Variants in NAA11 observed in about 807,000 individuals in gnomAD.
NAA11 encodes N-alpha-acetyltransferase 11, NatA catalytic subunit.
A neutral mutation model predicts 16.1 loss-of-function variants in NAA11; 15 were observed. The observed-to-expected ratio is 0.93, with a 90% confidence interval of 0.62 to 1.44. The LOEUF (loss-of-function observed/expected upper bound fraction) is 1.44, where lower values mean the gene tolerates loss of function less well. Among genes scored for constraint, NAA11 ranks in the 40% most tolerant of loss-of-function variants. The pLI, the probability that NAA11 is intolerant of heterozygous loss-of-function variation, is 0.00. For missense variants in NAA11, 298 were observed against 291.3 expected, an observed-to-expected ratio of 1.02 and a Z score of -0.17; for synonymous variants, 122 against 112.4, an observed-to-expected ratio of 1.09 and a Z score of -0.54.
intron 2 of NAA11, among the ~76,000 whole-genome samples, chr4:79,262,123 A>G (rs1487122476): frequency 7.2e-5 from 11 of 152,210 alleles, no homozygotes; most frequent in Non-Finnish European, 4.4e-5. Flanking sequence ...AAGCAATTCT[A>G]ATGATACTTA....
At chr4:79,282,283 G>A (rs1383425087) in intron 2 of NAA11, among the ~76,000 whole-genome samples, 1 of 152,072 alleles carries the variant, frequency 6.6e-6, no homozygotes, top group Non-Finnish European at 1.5e-5. Flanking sequence ...GACAGGCTTA[G>A]GGGTTTTAAT....
chr4:79,262,276 T>C (rs1397488916), intron 2 of NAA11, among the ~76,000 whole-genome samples: 1 of 152,162 alleles, frequency 6.6e-6, no homozygotes. Flanking sequence ...ATATTGGAAA[T>C]AGAATAGTGT....
At chr4:79,311,249 GTT>G (rs1241395766) in intron 1 of NAA11, among the ~76,000 whole-genome samples, 1 of 152,106 alleles carries the variant, frequency 6.6e-6, no homozygotes, top group Non-Finnish European at 1.5e-5. Context: ...AATACAGTCT[GTT>G]TTCATTATTC....
At chr4:79,262,721 C>T (rs1225938173) in intron 2 of NAA11, among the ~76,000 whole-genome samples, 2 of 149,048 alleles carry the variant, frequency 1.3e-5, no homozygotes, top group Admixed American at 6.6e-5. Context: ...TAAAAAGAAA[C>T]TCTATTTGTT....
At chr4:79,305,986 G>A (rs1171204241) in intron 1 of NAA11, among the ~76,000 whole-genome samples, 1 of 152,106 alleles carries the variant, frequency 6.6e-6, no homozygotes, top group East Asian at 1.9e-4. Context: ...TTTCATGCTT[G>A]CTTTATGCAG....
At chr4:79,196,514 T>C in the NAA11 span, among the ~76,000 whole-genome samples, 1 of 152,036 alleles carries the variant, frequency 6.6e-6, no homozygotes, top group Non-Finnish European at 1.5e-5. Flanking sequence ...CCAGAAATAA[T>C]TGAAATTTTA....
chr4:79,192,276 G>T, the NAA11 span, among the ~76,000 whole-genome samples: 2 of 151,586 alleles, frequency 1.3e-5, no homozygotes, highest in East Asian at 3.9e-4. Context: ...TGTGCACAAT[G>T]TGCAGGTTTG....
the NAA11 span, among the ~76,000 whole-genome samples, chr4:79,180,901 T>TA: frequency 6.6e-6 from 1 of 152,014 alleles, no homozygotes; most frequent in African/African-American, 2.4e-5. Flanking sequence ...TATGCAGCCA[T>TA]AAAAAAGGAT....
chr4:79,213,509 A>G, the NAA11 span, among the ~76,000 whole-genome samples: 70 of 152,302 alleles, frequency 4.6e-4, 1 homozygote, highest in South Asian at 6.2e-3. Context: ...TATGCATAAT[A>G]TGGTAAGAAT....
chr4:79,247,939 C>T (rs547025501), intron 2 of NAA11, among the ~76,000 whole-genome samples: 5 of 152,242 alleles, frequency 3.3e-5, no homozygotes, highest in South Asian at 2.1e-4. Flanking sequence ...GGATTTGGTG[C>T]GGGAGTGTCT....
the NAA11 span, among the ~76,000 whole-genome samples, chr4:79,189,145 C>CAAAAAAAAAAAAAAAAAAAAAAAAAAA: frequency 3.1e-4 from 13 of 42,296 alleles, 2 homozygotes; most frequent in Non-Finnish European, 4.3e-4. Context: ...GACTCCATCT[C>CAAAAAAAAAAAAAAAAAAAAAAAAAAA]AAAAAAAAAA....
At chr4:79,244,456 A>G (rs1370012441) in intron 2 of NAA11, among the ~76,000 whole-genome samples, 3 of 152,200 alleles carry the variant, frequency 2.0e-5, no homozygotes, top group Non-Finnish European at 4.4e-5. Context: ...ATTCTTGGTA[A>G]AACAGTATTT....
At chr4:79,240,739 A>G (rs984092923) in intron 2 of NAA11, among the ~76,000 whole-genome samples, 3 of 152,186 alleles carry the variant, frequency 2.0e-5, no homozygotes, top group Admixed American at 2.0e-4. Context: ...GGAATGATCA[A>G]TTCCAATAAT....
chr4:79,224,442 G>A (rs1721267864), downstream of NAA11, among the ~76,000 whole-genome samples: 1 of 152,094 alleles, frequency 6.6e-6, no homozygotes, highest in Admixed American at 6.6e-5. Context: ...ATTACGTGAT[G>A]ATTGAACCAA....
the NAA11 span, among the ~76,000 whole-genome samples, chr4:79,176,615 G>T: frequency 6.6e-6 from 1 of 152,246 alleles, no homozygotes; most frequent in South Asian, 2.1e-4. Flanking sequence ...TGATTAAAAT[G>T]TTAGTCCTAT....
chr4:79,230,167 C>T (rs1560691011), intron 2 of NAA11, among the ~76,000 whole-genome samples: 2 of 151,394 alleles, frequency 1.3e-5, no homozygotes, highest in Admixed American at 6.6e-5. Context: ...AGTAAACTAT[C>T]GCAAGAACAA....
intron 1 of NAA11, among the ~76,000 whole-genome samples, chr4:79,318,868 T>C (rs1724008380): frequency 6.6e-6 from 1 of 152,148 alleles, no homozygotes. Context: ...GGATAGTTTG[T>C]TGTTTAAGAG....
At chr4:79,160,640 A>G in the NAA11 span, among the ~76,000 whole-genome samples, 1 of 152,170 alleles carries the variant, frequency 6.6e-6, no homozygotes, top group Non-Finnish European at 1.5e-5. Flanking sequence ...TGTGGCTATT[A>G]GCTGTTGGTA....
At chr4:79,210,321 C>T in the NAA11 span, among the ~76,000 whole-genome samples, 2 of 152,054 alleles carry the variant, frequency 1.3e-5, no homozygotes, top group Non-Finnish European at 2.9e-5. Context: ...CACAGTGTCA[C>T]GAGGTTGATC....
Sources: allele counts gnomAD v4.1 joint callset (sites outside exome capture counted in the v4.1 genomes callset), GRCh38; gene constraint gnomAD v4.1.1; transcripts MANE v1.5; gene names NCBI Gene and HGNC (gene_info 2026-07-23, HGNC 2026-07-21).